The following WHRN variants were observed in gnomAD, a reference collection of about 807,000 sequenced individuals.
WHRN encodes CASK-interacting protein CIP98.
A neutral mutation model predicts 68.3 loss-of-function variants in WHRN; 41 were observed. That is an observed-to-expected ratio of 0.60 (90% CI 0.47 to 0.78). WHRN has a LOEUF of 0.78. Ranked by LOEUF, WHRN falls within the 30% of genes least tolerant of loss-of-function variation. The pLI is 0.00. For synonymous variants in WHRN, 560 were observed against 561.3 expected, an observed-to-expected ratio of 1.00 and a Z score of 0.03; for missense variants, 1,243 against 1,244.7, an observed-to-expected ratio of 1.00 and a Z score of 0.02.
chr9:114,445,607 C>T (rs1838753670), intron 3 of WHRN, among the ~76,000 whole-genome samples: 1 of 152,182 alleles, frequency 6.6e-6, no homozygotes, highest in Admixed American at 6.5e-5. Context: ...ATCATCTCTC[C>T]CACCTTCTCT....
intron 7 of WHRN, among the ~76,000 whole-genome samples, chr9:114,422,262 C>T (rs534055896): frequency 1.3e-5 from 2 of 152,332 alleles, no homozygotes; most frequent in East Asian, 3.9e-4. Flanking sequence ...TCCCCACTGC[C>T]TTTCCATAGA....
At chr9:114,423,083 G>A (rs1836456591) in intron 7 of WHRN, among the ~76,000 whole-genome samples, 1 of 151,974 alleles carries the variant, frequency 6.6e-6, no homozygotes, top group South Asian at 2.1e-4. Flanking sequence ...CAGGAGGCAG[G>A]GCCACATCTC....
intron 1 of WHRN, among the ~76,000 whole-genome samples, chr9:114,482,343 G>C (rs1842155899): frequency 6.6e-6 from 1 of 152,214 alleles, no homozygotes; most frequent in South Asian, 2.1e-4. Flanking sequence ...GTTATGCTCA[G>C]GTCAGGAACA....
chr9:114,458,509 C>G (rs1310617181), intron 3 of WHRN, among the ~76,000 whole-genome samples: 2 of 152,192 alleles, frequency 1.3e-5, no homozygotes. Context: ...GGAGAAACTA[C>G]AAAATGTCTC....
chr9:114,410,416 T>C (rs1482705044), intron 7 of WHRN, among the ~76,000 whole-genome samples: 1 of 152,194 alleles, frequency 6.6e-6, no homozygotes, highest in African/African-American at 2.4e-5. Flanking sequence ...AATCAATCAC[T>C]CTAGCCATCA....
intron 1 of WHRN, among the ~76,000 whole-genome samples, chr9:114,481,714 A>G (rs1842105050): frequency 6.6e-6 from 1 of 152,134 alleles, no homozygotes. Flanking sequence ...ACACTACACC[A>G]CAGCATTCAT....
chr9:114,449,557 A>G (rs1428768415), intron 3 of WHRN, among the ~76,000 whole-genome samples: 2 of 152,226 alleles, frequency 1.3e-5, no homozygotes, highest in Admixed American at 6.5e-5. Flanking sequence ...AATTTCTGCA[A>G]TTGATTAAAC....
chr9:114,505,143 G>C lies in WHRN; in HGVS notation c.-342C>G, dbSNP rs1564250569. The C allele has an allele frequency of 7.7e-6, 2 of 258,778 alleles. No individual in the cohort carries two copies. The highest frequency in any genetic ancestry group is 1.4e-5 in the Non-Finnish European group (2 of 138,598). 16.0% of individuals were successfully genotyped at this position (258,778 alleles called of 1,614,324 possible). ...GCGCGGGGTCAGCAGCTACATTCTGGAGGGCACGGAGACGACGGGTGGCTG... is the reference window on the plus strand; with the variant it reads ...GCGCGGGGTCAGCAGCTACATTCTGCAGGGCACGGAGACGACGGGTGGCTG... On this transcript the variant is annotated 5_prime_UTR_variant, in exon 1 of 12. Coordinates refer to ENST00000362057, the MANE Select transcript of WHRN (RefSeq NM_015404.4).
intron 3 of WHRN, among the ~76,000 whole-genome samples, chr9:114,447,817 C>T (rs897137640): frequency 2.0e-5 from 3 of 152,072 alleles, no homozygotes; most frequent in Non-Finnish European, 4.4e-5. Flanking sequence ...GAACTGTGAG[C>T]TAATAAATTT....
At chr9:114,467,120 T>A (rs1535971) in intron 2 of WHRN, among the ~76,000 whole-genome samples, 173 of 150,058 alleles carry the variant, frequency 1.2e-3, no homozygotes, top group Middle Eastern at 0.011. Context: ...CTATTTCTCC[T>A]GGGGTCTCCT....
At chr9:114,424,213 C>G in intron 6 of WHRN, 121 bp downstream of exon 6, 1 of 1,187,860 alleles carries the variant, frequency 8.4e-7, no homozygotes, top group South Asian at 1.2e-5. Flanking sequence ...AGTCCCAGGT[C>G]TCTGCCCAGT....
chr9:114,437,771 TA>T (rs1837994344), intron 3 of WHRN, among the ~76,000 whole-genome samples: 1 of 152,210 alleles, frequency 6.6e-6, no homozygotes, highest in Non-Finnish European at 1.5e-5. Context: ...AACAGAGTCC[TA>T]TTGTTTAAGC....
At chr9:114,406,270 C>T in intron 9 of WHRN, 85 bp downstream of exon 9, 2 of 1,584,452 alleles carry the variant, frequency 1.3e-6, no homozygotes, top group Non-Finnish European at 1.7e-6. Context: ...TAGCTGGTCC[C>T]CCCCTTCACT....
At chr9:114,423,221 G>T in intron 7 of WHRN, 93 bp downstream of exon 7, 1 of 1,326,466 alleles carries the variant, frequency 7.5e-7, no homozygotes, top group Non-Finnish European at 1.1e-6. Context: ...AAGTGGTGGT[G>T]CTGGGATTCG....
chr9:114,448,578 C>T (rs1839039621), intron 3 of WHRN, among the ~76,000 whole-genome samples: 1 of 152,096 alleles, frequency 6.6e-6, no homozygotes, highest in Non-Finnish European at 1.5e-5. Flanking sequence ...CCTTCTGAAA[C>T]TGGGCCATCA....
At chr9:114,462,555 C>T (rs1252551959) in intron 3 of WHRN, among the ~76,000 whole-genome samples, 1 of 152,206 alleles carries the variant, frequency 6.6e-6, no homozygotes, top group Non-Finnish European at 1.5e-5. Flanking sequence ...GTTTAAATAA[C>T]AGCTCTGATA....
At chr9:114,411,704 C>T (rs1185724491) in intron 7 of WHRN, among the ~76,000 whole-genome samples, 1 of 152,176 alleles carries the variant, frequency 6.6e-6, no homozygotes, top group Non-Finnish European at 1.5e-5. Context: ...CTTATATTAT[C>T]TCATTTGATC....
In WHRN at chr9:114,478,706, G is replaced by A. The variant is rs377363590; in HGVS notation, c.684C>T (p.Tyr228=). 18 of 1,610,824 alleles carry A rather than the reference G, an allele frequency of 1.1e-5. No individual in the cohort carries two copies. Among genetic ancestry groups the A allele is most frequent in the South Asian group, 3.3e-5 (3 of 90,950 alleles). ...VYSAGRIPGG[Y]VTNHIYTWVD... ...CCCAGGTGTAGATGTGGTTGGTGAC[G>A]TAGCCCCCAGGGATGCGCCCTGCTG... Residue 228 remains tyrosine (Y), a synonymous_variant, in exon 2 of 12, where the codon TAC becomes TAT. Coordinates refer to ENST00000362057, the MANE Select transcript of WHRN (RefSeq NM_015404.4).
chr9:114,504,749 A>C lies in WHRN; in HGVS notation c.53T>G (p.Leu18Arg). Residue 18 changes from leucine (L) to arginine (R), a missense_variant, in exon 1 of 12, where the codon CTG becomes CGG. Coordinates refer to ENST00000362057, the MANE Select transcript of WHRN (RefSeq NM_015404.4). ...GCCGCCCGCCCCGGCCGCCGAGCCC[A>C]GCGAGCCGGTGGAGGACGAGCTCAC... is the stretch of plus-strand genomic sequence containing the variant. ...LSVSSSSTGS[L>R]GSAAGAGGGG... 6 of 1,507,862 alleles carry C rather than the reference A, an allele frequency of 4.0e-6. No individual in the cohort carries two copies. Among genetic ancestry groups the C allele is most frequent in the Non-Finnish European group, 4.4e-6 (5 of 1,137,846 alleles). The allele number at this position is 1,507,862 out of a possible 1,614,324, so 93.4% of individuals were successfully genotyped here. A position where few individuals can be genotyped will look rare whatever the true frequency, so the allele number is the denominator to read the frequency against.
Sources: gnomAD v4.1 joint callset for allele counts (sites outside exome capture counted in the v4.1 genomes callset) on GRCh38, gnomAD v4.1.1 for gene constraint, MANE v1.5 for transcripts, NCBI Gene and HGNC (gene_info 2026-07-23, HGNC 2026-07-21) for gene names.